TCF3: variants seen among roughly 807,000 people sequenced by gnomAD.
TCF3 encodes the protein transcription factor E2-alpha.
Under a neutral mutation model 72.3 loss-of-function variants are expected in TCF3, and 54 were observed. The observed-to-expected ratio is 0.75, with a 90% confidence interval of 0.60 to 0.94. The LOEUF is 0.94. TCF3 is among the 40% of genes least tolerant of loss of function. TCF3 has a pLI of 0.00. For synonymous variants in TCF3, 525 were observed against 412.6 expected (o/e 1.27, Z -3.30); for missense variants, 1,078 against 934.4 (o/e 1.15, Z -2.00).
rs145224838 is a variant in TCF3 at position 1,649,258 on chromosome 19, G to A, written c.72+919C>T. ...TCCAGCCTCCTCCTGGCCCAAGCTC[G>A]GCTTCTGGCAGCTTAACTTCAGCAC... is the stretch of plus-strand genomic sequence containing the variant. On this transcript the variant is annotated intron_variant, in intron 2 of 18. Transcript: ENST00000262965. Among the ~76,000 whole-genome samples, 1,339 of 152,282 alleles carry A rather than the reference G, an allele frequency of 8.8e-3. 20 individuals are homozygous for A. The highest frequency in any genetic ancestry group is 0.021 in the Admixed American group (322 of 15,292).
chr19:1,644,667 G>T (rs1406458232), intron 3 of TCF3, among the ~76,000 whole-genome samples: 1 of 152,182 alleles, frequency 6.6e-6, no homozygotes, highest in Non-Finnish European at 1.5e-5. Context: ...TCCAGGGAGA[G>T]GCAACCCAGA....
At chr19:1,636,988 C>T (rs1004080197) in intron 3 of TCF3, among the ~76,000 whole-genome samples, 4 of 152,208 alleles carry the variant, frequency 2.6e-5, no homozygotes, top group East Asian at 3.9e-4. Flanking sequence ...AGTGGCAGGA[C>T]GTGCCCTCGG....
intron 14 of TCF3, 114 bp from the exon 15 acceptor site, chr19:1,619,588 G>A: frequency 3.5e-6 from 5 of 1,430,270 alleles, no homozygotes; most frequent in East Asian, 2.4e-5. Flanking sequence ...CCTTCCCCAG[G>A]AAGCTGCATA....
chr19:1,649,864 T>C (rs1335498661), intron 2 of TCF3, among the ~76,000 whole-genome samples: 1 of 152,196 alleles, frequency 6.6e-6, no homozygotes, highest in Non-Finnish European at 1.5e-5. Context: ...GATCAGAAGA[T>C]CAAGGCCGCA....
chr19:1,652,008 T>TCCGGCGCCCCCCGCGCCCCCGC (rs2067180324), intron 1 of TCF3, among the ~76,000 whole-genome samples: 1 of 148,548 alleles, frequency 6.7e-6, no homozygotes, highest in Non-Finnish European at 1.5e-5. Context: ...GCACAGCCCG[T>TCCGGCGCCCCCCGCGCCCCCGC]CCGGCGCCCC....
At chr19:1,621,682 C>G (rs971505555) in intron 11 of TCF3, among the ~76,000 whole-genome samples, 156 bp downstream of exon 11, 1 of 152,208 alleles carries the variant, frequency 6.6e-6, no homozygotes, top group African/African-American at 2.4e-5. Context: ...CGTGGCAGGC[C>G]CTGCAGACAG....
intron 3 of TCF3, among the ~76,000 whole-genome samples, chr19:1,638,446 C>T (rs2064772948): frequency 6.6e-6 from 1 of 152,174 alleles, no homozygotes; most frequent in African/African-American, 2.4e-5. Context: ...CCGCGCCCGG[C>T]TAATTTTTTT....
At chr19:1,616,997 C>T (rs891237122) in intron 16 of TCF3, among the ~76,000 whole-genome samples, 6 of 152,186 alleles carry the variant, frequency 3.9e-5, no homozygotes, top group Non-Finnish European at 8.8e-5. Context: ...AAAGGCATCT[C>T]ACAGACAAGG....
intron 18 of TCF3, 51 bp from the exon 19 acceptor site, chr19:1,611,900 G>A: frequency 3.3e-6 from 4 of 1,223,654 alleles, no homozygotes; most frequent in Non-Finnish European, 4.3e-6. Flanking sequence ...GGAGGAGAAA[G>A]ATGTGAGGTG....
chr19:1,617,227 C>T (rs891190401), intron 16 of TCF3, among the ~76,000 whole-genome samples: 2 of 152,200 alleles, frequency 1.3e-5, no homozygotes, highest in Admixed American at 6.5e-5. Flanking sequence ...GTATCACACC[C>T]TTGATCAGCA....
Position 1,609,605 on chromosome 19 carries a change from G to A in TCF3, c.*2102C>T, listed in dbSNP as rs925422604. The A allele has an allele frequency of 2.3e-5, 5 of 220,558 alleles. No individual in the cohort carries two copies. The highest frequency in any genetic ancestry group is 5.8e-5 in the Admixed American group (1 of 17,266). 13.7% of individuals were successfully genotyped at this position (220,558 alleles called of 1,614,324 possible). A position where few individuals can be genotyped will look rare whatever the true frequency, so the allele number is the denominator to read the frequency against. ...GGGCCACTGCCCACCCAGACCTAGG[G>A]GCAGGGCCAGGAGCAAAACAAGAGG... On this transcript the variant is annotated 3_prime_UTR_variant, in exon 19 of 19. Coordinates refer to ENST00000262965, the MANE Select transcript of TCF3 (RefSeq NM_003200.5).
At chr19:1,645,730 A>C (rs1259257619) in intron 3 of TCF3, among the ~76,000 whole-genome samples, 1 of 151,864 alleles carries the variant, frequency 6.6e-6, no homozygotes, top group African/African-American at 2.4e-5. Flanking sequence ...CGTCTCCCCT[A>C]TCTGTCCCGC....
intron 8 of TCF3, 60 bp downstream of exon 8, chr19:1,623,891 C>T: frequency 6.4e-7 from 1 of 1,568,694 alleles, no homozygotes; most frequent in Admixed American, 1.7e-5. Flanking sequence ...TTCGCCAGGA[C>T]ACAGGGCCTG....
chr19:1,638,438 G>A (rs547792667), intron 3 of TCF3, among the ~76,000 whole-genome samples: 5 of 152,186 alleles, frequency 3.3e-5, no homozygotes, highest in African/African-American at 4.8e-5. Context: ...GCCCACCACC[G>A]CGCCCGGCTA....
In TCF3 at chr19:1,621,240, C is replaced by T. The variant is rs561274350; in HGVS notation, c.956-49G>A. On this transcript the variant is annotated intron_variant, in intron 11 of 18. Transcript: ENST00000262965. ...CCACGCAGCCCGGCCTGGGTGCTGCCGCCGACGGCAAGCTCTCCTGCGTTC... is the reference window on the plus strand; with the variant it reads ...CCACGCAGCCCGGCCTGGGTGCTGCTGCCGACGGCAAGCTCTCCTGCGTTC... 39 of 1,518,420 alleles carry T rather than the reference C, an allele frequency of 2.6e-5. No homozygotes were observed. The East Asian group carries it at 8.6e-4, about 34-fold the overall frequency. 94.1% of individuals were successfully genotyped at this position (1,518,420 alleles called of 1,614,324 possible). A position where few individuals can be genotyped will look rare whatever the true frequency, so the allele number is the denominator to read the frequency against.
At chr19:1,633,807 G>A (rs4807124) in intron 3 of TCF3, among the ~76,000 whole-genome samples, 3,081 of 152,320 alleles carry the variant, frequency 0.02, 158 homozygotes, top group East Asian at 0.16. Flanking sequence ...GGTCCTGCAC[G>A]TGGGCCCTGG....
chr19:1,645,900 C>T (rs561717355), intron 3 of TCF3, among the ~76,000 whole-genome samples: 58 of 152,296 alleles, frequency 3.8e-4, no homozygotes, highest in Middle Eastern at 3.4e-3. Flanking sequence ...ATACAGCAAG[C>T]GCCTAATACC....
At chr19:1,620,035 G>T (rs2061999956) in intron 13 of TCF3, among the ~76,000 whole-genome samples, 182 bp from the exon 14 acceptor site, 1 of 152,184 alleles carries the variant, frequency 6.6e-6, no homozygotes, top group Non-Finnish European at 1.5e-5. Flanking sequence ...AGGGATGCTG[G>T]GTGCCCAGTG....
intron 5 of TCF3, 127 bp downstream of exon 5, chr19:1,631,911 T>G: frequency 6.5e-7 from 1 of 1,536,938 alleles, no homozygotes; most frequent in Non-Finnish European, 8.7e-7. Context: ...GGCAGAGGCT[T>G]CGGCTGTCCA....
Sources: allele counts gnomAD v4.1 joint callset (sites outside exome capture counted in the v4.1 genomes callset), GRCh38; gene constraint gnomAD v4.1.1; transcripts MANE v1.5; gene names NCBI Gene and HGNC (gene_info 2026-07-23, HGNC 2026-07-21).